Variants in R3HDM2 observed in about 807,000 individuals in gnomAD.
R3HDM2 encodes the protein R3H domain containing 2.
R3HDM2 carries 38 observed loss-of-function variants against 124.5 expected under a neutral mutation model. The observed-to-expected ratio is 0.31, with a 90% CI of 0.24 to 0.40. The LOEUF (loss-of-function observed/expected upper bound fraction) is 0.40. Ranked by LOEUF, R3HDM2 falls within the 10% of genes least tolerant of loss-of-function variation. The pLI is 1.00. For synonymous variants in R3HDM2, 391 were observed against 448.0 expected, an observed-to-expected ratio of 0.87 and a Z score of 1.61; for missense variants, 869 against 1,236.9, an observed-to-expected ratio of 0.70 and a Z score of 4.46.
chr12:57,266,913 C>G, intron 18 of R3HDM2, 82 bp from the exon 19 acceptor site: 1 of 1,049,840 alleles, frequency 9.5e-7, no homozygotes, highest in Non-Finnish European at 1.4e-6. Context: ...GCTTCCTGGT[C>G]CTCCCCTATG....
At chr12:57,429,649 G>A (rs1282350109) in intron 1 of R3HDM2, among the ~76,000 whole-genome samples, 2 of 151,394 alleles carry the variant, frequency 1.3e-5, no homozygotes, top group Admixed American at 6.6e-5. Context: ...GGAGGCAGAG[G>A]TTGCATTGAG....
At chr12:57,363,307 A>T (rs1231101045) in intron 2 of R3HDM2, among the ~76,000 whole-genome samples, 2 of 152,162 alleles carry the variant, frequency 1.3e-5, no homozygotes, top group Non-Finnish European at 2.9e-5. Context: ...CACCCATTTA[A>T]AGTGCACAAT....
chr12:57,271,957 C>T (rs1009300638), intron 14 of R3HDM2, among the ~76,000 whole-genome samples: 3 of 150,292 alleles, frequency 2.0e-5, no homozygotes, highest in East Asian at 3.9e-4. Context: ...AGTGGTGGTG[C>T]GATCTCGGCT....
At chr12:57,426,760 G>C (rs2070777103) in intron 1 of R3HDM2, among the ~76,000 whole-genome samples, 1 of 152,156 alleles carries the variant, frequency 6.6e-6, no homozygotes, top group Admixed American at 6.6e-5. Context: ...CGAGATGTTT[G>C]TCCAAAGAGA....
intron 1 of R3HDM2, among the ~76,000 whole-genome samples, chr12:57,417,623 C>A (rs2069774172): frequency 6.6e-6 from 1 of 152,154 alleles, no homozygotes; most frequent in Admixed American, 6.6e-5. Context: ...GTCTTGGCAA[C>A]TTACAGGTCA....
chr12:57,389,330 C>T (rs1186500232), intron 2 of R3HDM2, among the ~76,000 whole-genome samples: 1 of 152,162 alleles, frequency 6.6e-6, no homozygotes, highest in Non-Finnish European at 1.5e-5. Context: ...GCTGGAAATA[C>T]AAATAAAACT....
intron 19 of R3HDM2, among the ~76,000 whole-genome samples, chr12:57,263,615 T>C (rs1230718454): frequency 6.6e-6 from 1 of 152,152 alleles, no homozygotes; most frequent in Non-Finnish European, 1.5e-5. Flanking sequence ...ATTACAGATG[T>C]GCACCCCCAT....
intron 2 of R3HDM2, among the ~76,000 whole-genome samples, chr12:57,386,434 A>T (rs1594295244): frequency 6.6e-6 from 1 of 152,214 alleles, no homozygotes; most frequent in African/African-American, 2.4e-5. Flanking sequence ...CCACCAGGGC[A>T]GTGAGGGGCT....
chr12:57,303,753 G>T, intron 3 of R3HDM2, among the ~76,000 whole-genome samples: 1 of 152,030 alleles, frequency 6.6e-6, no homozygotes, highest in Non-Finnish European at 1.5e-5. Context: ...CTGCACTCCA[G>T]CCTGGGTGAT....
chr12:57,316,088 C>T (rs2054954928), intron 2 of R3HDM2, among the ~76,000 whole-genome samples: 1 of 152,162 alleles, frequency 6.6e-6, no homozygotes, highest in Admixed American at 6.5e-5. Context: ...CAGAGTGAAA[C>T]CTGTCTCAAA....
chr12:57,400,267 G>A (rs2067926861), intron 1 of R3HDM2, among the ~76,000 whole-genome samples: 1 of 152,128 alleles, frequency 6.6e-6, no homozygotes, highest in African/African-American at 2.4e-5. Flanking sequence ...AAAATGATGA[G>A]TTCATGTCCT....
intron 2 of R3HDM2, among the ~76,000 whole-genome samples, chr12:57,317,192 T>TC (rs2055249958): frequency 6.6e-6 from 1 of 151,232 alleles, no homozygotes; most frequent in Non-Finnish European, 1.5e-5. Flanking sequence ...TTTTGTGTTT[T>TC]TTTTTGTTTG....
intron 2 of R3HDM2, among the ~76,000 whole-genome samples, chr12:57,346,157 CAAA>C (rs1210805432): frequency 9.3e-5 from 5 of 53,906 alleles, no homozygotes; most frequent in Non-Finnish European, 1.3e-4. Flanking sequence ...AACTCCGTCT[CAAA>C]AAAAAAAAAA....
chr12:57,326,548 A>G (rs1192298388), intron 2 of R3HDM2, among the ~76,000 whole-genome samples: 1 of 152,250 alleles, frequency 6.6e-6, no homozygotes, highest in Non-Finnish European at 1.5e-5. Flanking sequence ...TCATGAGTTT[A>G]AGGAAAGAAA....
In R3HDM2 at chr12:57,310,456, A is replaced by G; in HGVS notation, c.-28T>C. 6.8e-7 allele frequency: 1 copy of G among 1,475,116 alleles called. No homozygotes were observed. The highest frequency in any genetic ancestry group is 9.0e-7 in the Non-Finnish European group (1 of 1,112,560). The allele number at this position is 1,475,116 out of a possible 1,614,324, so 91.4% of individuals were successfully genotyped here. A position where few individuals can be genotyped will look rare whatever the true frequency, so the allele number is the denominator to read the frequency against. On this transcript the variant is annotated 5_prime_UTR_variant, in exon 3 of 24. It removes the in-frame stop codon of an upstream open reading frame in the 5' UTR. Transcript: ENST00000402412. Reference sequence around the variant, plus strand: ...TCTTCAATAGAATACAGTGGCCTCTATGGACTCCTAAAGAAACATCAAATG... The same window carrying G: ...TCTTCAATAGAATACAGTGGCCTCTGTGGACTCCTAAAGAAACATCAAATG...
At chr12:57,288,896 G>T (rs2047996107) in intron 12 of R3HDM2, 113 bp downstream of exon 12, 18 of 1,551,456 alleles carry the variant, frequency 1.2e-5, no homozygotes, top group Non-Finnish European at 1.5e-5. Context: ...AGAAGAAAAG[G>T]CTTCTTTGGA....
intron 17 of R3HDM2, 42 bp downstream of exon 17, chr12:57,268,880 C>A: frequency 1.9e-6 from 3 of 1,590,864 alleles, no homozygotes; most frequent in South Asian, 1.1e-5. Flanking sequence ...TTTCCTCATG[C>A]CAAGGACTGG....
At chr12:57,342,022 T>C (rs747093528) in intron 2 of R3HDM2, among the ~76,000 whole-genome samples, 2 of 152,162 alleles carry the variant, frequency 1.3e-5, no homozygotes, top group Non-Finnish European at 1.5e-5. Context: ...TTCACAAAAC[T>C]TAGCACTTCA....
intron 2 of R3HDM2, among the ~76,000 whole-genome samples, chr12:57,369,726 T>C (rs1032838818): frequency 2.0e-5 from 3 of 152,144 alleles, no homozygotes; most frequent in Non-Finnish European, 4.4e-5. Flanking sequence ...ATGAGGGCAG[T>C]AGGAACAGTT....
Sources: gnomAD v4.1 joint callset for allele counts (sites outside exome capture counted in the v4.1 genomes callset) on GRCh38, gnomAD v4.1.1 for gene constraint, MANE v1.5 for transcripts, NCBI Gene and HGNC (gene_info 2026-07-23, HGNC 2026-07-21) for gene names.